The following EPHA1 variants were observed in gnomAD, a reference collection of about 807,000 sequenced individuals.
EPHA1 encodes the protein EPH receptor A1.
EPHA1 carries 92 observed loss-of-function variants against 110.1 expected under a neutral mutation model. The ratio of observed to expected loss-of-function variants is 0.84; its 90% CI spans 0.71 to 0.99. The LOEUF (loss-of-function observed/expected upper bound fraction) is 0.99. Among genes scored for constraint, EPHA1 ranks in the 50% least tolerant of loss-of-function variants. The pLI, the probability that EPHA1 is intolerant of heterozygous loss-of-function variation, is 0.00. For synonymous variants in EPHA1, 500 were observed against 516.1 expected, an observed-to-expected ratio of 0.97 and a Z score of 0.42; for missense variants, 1,204 against 1,285.4, an observed-to-expected ratio of 0.94 and a Z score of 0.97.
intron 2 of EPHA1, among the ~76,000 whole-genome samples, chr7:143,405,897 T>C (rs1304472518): frequency 1.3e-5 from 2 of 152,136 alleles, no homozygotes; most frequent in Non-Finnish European, 2.9e-5. Context: ...AAGTCTCAAG[T>C]ACTGGGGTAA....
intron 2 of EPHA1, among the ~76,000 whole-genome samples, chr7:143,404,215 T>C (rs1054964729): frequency 1.8e-5 from 2 of 109,766 alleles, no homozygotes; most frequent in African/African-American, 6.2e-5. Context: ...TGGAGAGATA[T>C]ATCTTTTTTT....
chr7:143,398,913 A>T lies in EPHA1; in HGVS notation c.1024T>A (p.Ser342Thr), dbSNP rs1805338501. The T allele has an allele frequency of 6.2e-7, 1 of 1,612,380 alleles. No homozygotes were observed. Among genetic ancestry groups the T allele is most frequent in the African/African-American group, 1.3e-5 (1 of 74,866 alleles). The part of the protein sequence containing the change: ...PPSAPRNLSF[S>T]ASGTQLSLRW... ...AGGGAGAGCTGAGTCCCTGAGGCAGAGAAGCTCAGGTTTCGGGGGGCCGAG... is the reference window on the plus strand; with the variant it reads ...AGGGAGAGCTGAGTCCCTGAGGCAGTGAAGCTCAGGTTTCGGGGGGCCGAG... The change falls in exon 6 of 18, where the codon TCT becomes ACT. Residue 342 changes from serine to threonine, a missense_variant. By Grantham distance (58) the Ser-to-Thr change is moderately conservative. Coordinates refer to ENST00000275815, the MANE Select transcript of EPHA1 (RefSeq NM_005232.5).
In EPHA1 at chr7:143,393,523, G is replaced by A; in HGVS notation, c.2696+148C>T. On this transcript the variant is annotated intron_variant, in intron 16 of 17. Transcript: ENST00000275815. The surrounding 1 kb of genome is among the most constrained non-coding windows in gnomAD (Gnocchi z 5.6). The stretch of plus-strand genomic sequence containing the variant: ...TGCATAATCTAAAGCTGACCTCTTG[G>A]ACTCTCCCCAAGGGCACGTCTTGCC... The A allele has an allele frequency of 1.2e-6, 1 of 827,728 alleles. No individual in the cohort carries two copies. The highest frequency in any genetic ancestry group is 2.9e-5 in the East Asian group (1 of 33,924). 51.3% of individuals were successfully genotyped at this position (827,728 alleles called of 1,614,324 possible). A position where few individuals can be genotyped will look rare whatever the true frequency, so the allele number is the denominator to read the frequency against.
chr7:143,406,907 C>A (rs3935998), intron 2 of EPHA1, among the ~76,000 whole-genome samples: 23,830 of 152,068 alleles, frequency 0.16, 2,159 homozygotes, highest in East Asian at 0.35. Context: ...ACCTCACAAC[C>A]TGTTCACTGA....
Position 143,407,038 on chromosome 7 carries a change from AG to A in EPHA1, c.150+572del, listed in dbSNP as rs367847895. ...GGTGTGGAGGATGAGCTAAGGGCTC[AG>A]AAACCTTTAGGGGAGCAGCTTTTAA... On this transcript the variant is annotated intron_variant, in intron 2 of 17. Coordinates refer to ENST00000275815, the MANE Select transcript of EPHA1 (RefSeq NM_005232.5). Among the ~76,000 whole-genome samples the A allele has an allele frequency of 3.6e-3, 553 of 152,300 alleles. 6 individuals carry two copies. Among genetic ancestry groups the A allele is most frequent in the African/African-American group, 0.012 (513 of 41,566 alleles).
At position 143,401,254 on chromosome 7, in the gene EPHA1, T is replaced by C. The variant is rs565083024; in HGVS notation, c.432+70A>G. On this transcript the variant is annotated intron_variant, in intron 3 of 17. Coordinates refer to ENST00000275815, the MANE Select transcript of EPHA1 (RefSeq NM_005232.5). This position sits in a 1 kb window ranked among gnomAD's most constrained non-coding sequence, Gnocchi z 4.1. ...CACCCTCTTCCTGTCTCTGCAACCT[T>C]CTCTGGCACCCAATAAGGAGCCACC... 1.2e-5 allele frequency: 18 copies of C among 1,556,866 alleles called. No homozygotes were observed. In the African/African-American group the frequency reaches 1.8e-4, roughly 15 times the overall value.
Position 143,397,541 on chromosome 7 carries a change from G to A in EPHA1, c.1712+20C>T, listed in dbSNP as rs201508170. On this transcript the variant is annotated intron_variant, in intron 9 of 17. Coordinates refer to ENST00000275815, the MANE Select transcript of EPHA1 (RefSeq NM_005232.5). ...TTCTGACCCAGGGCTGGTGGTTGGG[G>A]AGGGGGCAGGAGCTGGCACCTGGAC... 1.7e-4 allele frequency: 266 copies of A among 1,563,002 alleles called. 1 individual carries two copies. Among genetic ancestry groups the A allele is most frequent in the Non-Finnish European group, 2.2e-4 (254 of 1,136,454 alleles).
chr7:143,392,947 G>A (rs1234594808), intron 16 of EPHA1, among the ~76,000 whole-genome samples: 2 of 151,574 alleles, frequency 1.3e-5, no homozygotes, highest in Admixed American at 1.3e-4. Context: ...GTCTCGGGGT[G>A]GAAAAAAAAA....
Position 143,397,913 on chromosome 7 carries a change from AC to A in EPHA1, c.1615+6del, listed in dbSNP as rs1805304871. ...TGTGTGTTGGGGCAGAGCACAAGAT[AC>A]CCCACCTGGTGGGCTGGTCCGAAAC... On this transcript the variant is annotated splice_donor_region_variant and intron_variant, in intron 8 of 17. Transcript: ENST00000275815. 14 of 1,613,662 alleles carry A rather than the reference AC, an allele frequency of 8.7e-6. No individual in the cohort carries two copies. Among genetic ancestry groups the A allele is most frequent in the Non-Finnish European group, 1.1e-5 (13 of 1,179,730 alleles).
Position 143,399,325 on chromosome 7 carries a change from G to A in EPHA1, c.924C>T (p.Ala308=). 1 of 1,612,596 alleles carries A rather than the reference G, an allele frequency of 6.2e-7. No homozygotes were observed. Among genetic ancestry groups the A allele is most frequent in the East Asian group, 2.2e-5 (1 of 44,860 alleles). The change falls in exon 5 of 18, where the codon GCC becomes GCT. Residue 308 remains alanine (A), a synonymous_variant. Transcript: ENST00000275815. The part of the protein sequence containing the change: ...PQQSTAESEG[A]TICTCESGHY... ...GGCCGCTCTCACAGGTACAGATGGT[G>A]GCCCCCTCAGACTCAGCAGTGCTCT...
chr7:143,395,641 C>T lies in EPHA1; in HGVS notation c.1898-137G>A, dbSNP rs550628526. ...GTGGAGTGCCCTTCCTGGGACAGGG[C>T]GTGGGCTGTCCTTCCTGGGGAAGGT... On this transcript the variant is annotated intron_variant, in intron 11 of 17. Transcript: ENST00000275815. The surrounding 1 kb of genome is among the most constrained non-coding windows in gnomAD (Gnocchi z 4.7). 159 of 898,076 alleles carry T rather than the reference C, an allele frequency of 1.8e-4. No homozygotes were observed. The highest frequency in any genetic ancestry group is 5.9e-4 in the African/African-American group (35 of 59,428). The allele number at this position is 898,076 out of a possible 1,614,324, so 55.6% of individuals were successfully genotyped here.
rs1475956163 is a variant in EPHA1, at chr7:143,399,945, G to A, written c.541C>T (p.Leu181Phe). ...CSLGRLTRRG[L>F]YLAFHNPGAC... ...CCCGGGTTGTGGAAAGCGAGGTAGA[G>A]GCCACGGCGGGTCAGGCGGCCCAGA... Residue 181 changes from leucine (L) to phenylalanine (F), a missense_variant, in exon 4 of 18, where the codon CTC becomes TTC. Coordinates refer to ENST00000275815, the MANE Select transcript of EPHA1 (RefSeq NM_005232.5). The A allele has an allele frequency of 1.9e-6, 3 of 1,613,536 alleles. No homozygotes were observed. The highest frequency in any genetic ancestry group is 2.2e-5 in the East Asian group (1 of 44,870).
chr7:143,397,593 G>C lies in EPHA1; in HGVS notation c.1680C>G (p.Ala560=). The stretch of plus-strand genomic sequence containing the variant: ...GGAAAACGAGAATCCCAAGCAGCAA[G>C]GCTGCACCAAGCAGCAGCCCAAAGA... ...AVIFGLLLGA[A]LLLGILVFRS... The change falls in exon 9 of 18, where the codon GCC becomes GCG. Residue 560 remains alanine (A), a synonymous_variant. Transcript: ENST00000275815. 6.2e-7 allele frequency: 1 copy of C among 1,614,056 alleles called. No individual in the cohort carries two copies. The highest frequency in any genetic ancestry group is 1.3e-5 in the African/African-American group (1 of 75,036).
In EPHA1 at chr7:143,401,621, CAG is replaced by C; in HGVS notation, c.151-18_151-17del. 1 of 1,604,148 alleles carries C rather than the reference CAG, an allele frequency of 6.2e-7. No individual in the cohort carries two copies. The stretch of plus-strand genomic sequence containing the variant: ...GTTCACTCCACTGCAAGGAGGAAAT[CAG>C]AGTCAGGGACCAGATCATCCCCTGC... On this transcript the variant is annotated splice_polypyrimidine_tract_variant and intron_variant, in intron 2 of 17. Coordinates refer to ENST00000275815, the MANE Select transcript of EPHA1 (RefSeq NM_005232.5). This position sits in a 1 kb window ranked among gnomAD's most constrained non-coding sequence, Gnocchi z 4.1.
At chr7:143,406,413 A>C (rs1805550095) in intron 2 of EPHA1, among the ~76,000 whole-genome samples, 1 of 152,346 alleles carries the variant, frequency 6.6e-6, no homozygotes, top group Non-Finnish European at 1.5e-5. Context: ...ACCTTGCCCC[A>C]TGCAGCTATT....
At chr7:143,404,539 A>G (rs1374027912) in intron 2 of EPHA1, among the ~76,000 whole-genome samples, 1 of 152,152 alleles carries the variant, frequency 6.6e-6, no homozygotes, top group Non-Finnish European at 1.5e-5. Flanking sequence ...ATCTTTATAT[A>G]TTTATTTAAA....
intron 10 of EPHA1, 116 bp from the exon 11 acceptor site, chr7:143,396,626 T>G (rs1270584652): frequency 1.5e-6 from 2 of 1,329,254 alleles, no homozygotes; most frequent in African/African-American, 2.9e-5. Context: ...TTTCCCAAGG[T>G]GACTCCTGTT....
Position 143,405,135 on chromosome 7 carries a change from GGCT to G in EPHA1, c.150+2473_150+2475del, listed in dbSNP as rs1444934428. ...AGCTGGAATGAAAAAGGCACCAGGA[GGCT>G]TCTCCTAAGGAAGGCTGTGCTGGGG... On this transcript the variant is annotated intron_variant, in intron 2 of 17. Coordinates refer to ENST00000275815, the MANE Select transcript of EPHA1 (RefSeq NM_005232.5). Among the ~76,000 whole-genome samples the G allele has an allele frequency of 2.6e-5, 4 of 152,202 alleles. No homozygotes were observed. The East Asian group carries it at 7.8e-4, about 30-fold the overall frequency.
At chr7:143,392,904 G>A (rs1054248327) in intron 16 of EPHA1, among the ~76,000 whole-genome samples, 5 of 151,476 alleles carry the variant, frequency 3.3e-5, no homozygotes, top group South Asian at 2.1e-4. Flanking sequence ...ATTGCGCTGC[G>A]TTACTCCAGC....
Sources: allele counts gnomAD v4.1 joint callset (sites outside exome capture counted in the v4.1 genomes callset), GRCh38; gene constraint gnomAD v4.1.1; non-coding constraint Gnocchi (gnomAD v3.1); transcripts MANE v1.5; gene names NCBI Gene and HGNC (gene_info 2026-07-23, HGNC 2026-07-21).